The following XKR7 variants were observed in gnomAD, a reference collection of about 807,000 sequenced individuals.
The protein encoded by XKR7 is XK related 7.
XKR7 carries 11 observed loss-of-function variants against 42.2 expected under a neutral mutation model. The ratio of observed to expected loss-of-function variants is 0.26; its 90% CI spans 0.16 to 0.43. The LOEUF (loss-of-function observed/expected upper bound fraction) is 0.43. Ranked by LOEUF, XKR7 falls within the 20% of genes least tolerant of loss-of-function variation. The pLI, the probability that XKR7 is intolerant of heterozygous loss-of-function variation, is 1.00. For missense variants in XKR7, 710 were observed against 802.2 expected (o/e 0.89, Z 1.39); for synonymous variants, 346 against 366.4 (o/e 0.94, Z 0.64).
intron 1 of XKR7, among the ~76,000 whole-genome samples, chr20:31,975,042 T>G (rs151000398): frequency 1.8e-4 from 28 of 152,198 alleles, no homozygotes; most frequent in Admixed American, 5.9e-4. Context: ...CAGGAGAAGC[T>G]CTGGGGAGTG....
rs2064449933 is a variant in XKR7, at chr20:31,968,795, G to A, written c.584+36G>A. 6.9e-7 allele frequency: 1 copy of A among 1,457,720 alleles called. No homozygotes were observed. Among genetic ancestry groups the A allele is most frequent in the African/African-American group, 1.4e-5 (1 of 70,864 alleles). The allele number at this position is 1,457,720 out of a possible 1,614,324, so 90.3% of individuals were successfully genotyped here. ...CGCAGGTGGAGGGACCTGAGCCCGA[G>A]GAGTGGGGGTGGCGAAGGGCTACCT... On this transcript the variant is annotated intron_variant, in intron 1 of 2. Transcript: ENST00000562532. This position sits in a 1 kb window ranked among gnomAD's most constrained non-coding sequence, Gnocchi z 4.5.
rs572256162 is a variant in XKR7, at chr20:31,997,027, G to A, written c.1310G>A (p.Cys437Tyr). Reference sequence around the variant, plus strand: ...ATATTCTTCATGTGTGTCTACTACTGTCTCCTGCACCCCAATGGGCCCATG... The same window carrying A: ...ATATTCTTCATGTGTGTCTACTACTATCTCCTGCACCCCAATGGGCCCATG... Reference protein sequence around the residue: ...LGIFFMCVYYCLLHPNGPMLG... With the variant: ...LGIFFMCVYYYLLHPNGPMLG... Residue 437 changes from cysteine to tyrosine, a missense_variant, in exon 3 of 3, where the codon TGT becomes TAT. Transcript: ENST00000562532. The A allele has an allele frequency of 1.2e-5, 20 of 1,614,008 alleles. No individual in the cohort carries two copies. In the African/African-American group the frequency reaches 2.3e-4, roughly 18 times the overall value.
chr20:31,971,178 T>C (rs1171204331), intron 1 of XKR7, among the ~76,000 whole-genome samples: 6 of 142,772 alleles, frequency 4.2e-5, no homozygotes, highest in Non-Finnish European at 9.3e-5. Context: ...ACTATGTGGG[T>C]GAGGACGGGA....
At chr20:31,986,126 C>T (rs1376484457) in intron 1 of XKR7, among the ~76,000 whole-genome samples, 7 of 148,068 alleles carry the variant, frequency 4.7e-5, no homozygotes, top group Non-Finnish European at 9.0e-5. Context: ...ACAGATCCAG[C>T]ATCCAAGGCA....
Position 32,000,342 on chromosome 20 carries a change from CT to C in XKR7, c.*2886del, listed in dbSNP as rs1350818212. The stretch of plus-strand genomic sequence containing the variant: ...CTCTCCCCTAGCAGAACTGACCCCC[CT>C]GGTCCTCTGCCTCCTGTCCCCTGAC... On this transcript the variant is annotated 3_prime_UTR_variant, in exon 3 of 3. Coordinates refer to ENST00000562532, the MANE Select transcript of XKR7 (RefSeq NM_001011718.2). 6.6e-6 allele frequency: 1 copy of C among 152,594 alleles called. No homozygotes were observed. The highest frequency in any genetic ancestry group is 6.5e-5 in the Admixed American group (1 of 15,292). The allele number at this position is 152,594 out of a possible 1,614,324, so 9.5% of individuals were successfully genotyped here. A position where few individuals can be genotyped will look rare whatever the true frequency, so the allele number is the denominator to read the frequency against.
rs796719377 is a variant in XKR7 at position 31,979,328 on chromosome 20, C to T, written c.584+10569C>T. 2.6e-5 allele frequency among the ~76,000 whole-genome samples: 4 copies of T among 152,074 alleles called. No homozygotes were observed. The South Asian group carries it at 8.3e-4, about 32-fold the overall frequency. On this transcript the variant is annotated intron_variant, in intron 1 of 2. Coordinates refer to ENST00000562532, the MANE Select transcript of XKR7 (RefSeq NM_001011718.2). ...CTCTTGGGCTCAAGAGATCCTCCCA[C>T]CTTGGCCTCCCAAAGTGCTGGGATC...
intron 1 of XKR7, among the ~76,000 whole-genome samples, chr20:31,989,493 A>C (rs971264225): frequency 6.7e-6 from 1 of 149,334 alleles, no homozygotes; most frequent in African/African-American, 2.5e-5. Context: ...TGCCATGTGG[A>C]GAATGGACTG....
intron 1 of XKR7, among the ~76,000 whole-genome samples, chr20:31,985,942 C>T (rs1448649038): frequency 1.6e-5 from 2 of 122,020 alleles, no homozygotes; most frequent in Admixed American, 1.6e-4. Flanking sequence ...GACCACCAAG[C>T]GGACCCAGCA....
chr20:31,970,530 A>G (rs1285258792), intron 1 of XKR7: 3 of 152,242 alleles, frequency 2.0e-5, no homozygotes, highest in African/African-American at 4.8e-5. Context: ...TTGCAAAATG[A>G]GGAGGCTGGG....
intron 1 of XKR7, among the ~76,000 whole-genome samples, chr20:31,988,129 G>A (rs1267557647): frequency 6.6e-6 from 1 of 152,218 alleles, no homozygotes; most frequent in Admixed American, 6.5e-5. Context: ...CTGAGGTGCA[G>A]GCCAGAAACT....
rs35879609 is a variant in XKR7 at position 31,995,734 on chromosome 20, G to A, written c.787+464G>A. 0.031 allele frequency among the ~76,000 whole-genome samples: 4,737 copies of A among 151,638 alleles called. 113 individuals carry two copies. Among genetic ancestry groups the A allele is most frequent in the Non-Finnish European group, 0.048 (3,251 of 67,826 alleles). ...AGAGAGCCTACCCCTTCACTGGGGG[G>A]CCCCGGGGGGCCCTCCCAGGCCTAG... is the stretch of plus-strand genomic sequence containing the variant. On this transcript the variant is annotated intron_variant, in intron 2 of 2. Transcript: ENST00000562532. The surrounding 1 kb of genome is among the most constrained non-coding windows in gnomAD (Gnocchi z 4.1).
In XKR7 at chr20:31,993,111, C is replaced by CACACAT. The variant is rs1555861850; in HGVS notation, c.585-1945_585-1940dup. ...CTCCACACACACACACACACACACACACACATACACATACACACACACACC... is the reference window on the plus strand; with the variant it reads ...CTCCACACACACACACACACACACACACACATACACATACACATACACACACACACC... On this transcript the variant is annotated intron_variant, in intron 1 of 2. Transcript: ENST00000562532. 2.2e-3 allele frequency among the ~76,000 whole-genome samples: 331 copies of CACACAT among 150,664 alleles called. 4 individuals carry two copies. Among genetic ancestry groups the CACACAT allele is most frequent in the East Asian group, 4.5e-3 (23 of 5,132 alleles).
chr20:31,991,946 C>T (rs1215145920), intron 1 of XKR7, among the ~76,000 whole-genome samples: 1 of 151,956 alleles, frequency 6.6e-6, no homozygotes, highest in Non-Finnish European at 1.5e-5. Flanking sequence ...GGAGAAACCC[C>T]GTCTCTACTA....
intron 1 of XKR7, among the ~76,000 whole-genome samples, chr20:31,984,279 G>C (rs1049631442): frequency 6.7e-6 from 1 of 150,080 alleles, no homozygotes. Flanking sequence ...AAAACAAGTA[G>C]TGGGGAGTGG....
chr20:31,976,475 C>T (rs564390818), intron 1 of XKR7, among the ~76,000 whole-genome samples: 1 of 151,984 alleles, frequency 6.6e-6, no homozygotes, highest in Non-Finnish European at 1.5e-5. Context: ...ACCTCTGCCT[C>T]CCCGGTTCAA....
At chr20:31,975,534 C>T (rs1377151111) in intron 1 of XKR7, among the ~76,000 whole-genome samples, 1 of 152,190 alleles carries the variant, frequency 6.6e-6, no homozygotes, top group African/African-American at 2.4e-5. Flanking sequence ...CCCACACATG[C>T]TACCCTCTGC....
At chr20:31,994,302 T>C (rs1298923041) in intron 1 of XKR7, among the ~76,000 whole-genome samples, 1 of 152,214 alleles carries the variant, frequency 6.6e-6, no homozygotes, top group Non-Finnish European at 1.5e-5. Flanking sequence ...GTCTAATGGT[T>C]AGAGTGCCGG....
At chr20:31,986,576 A>C (rs2064541629) in intron 1 of XKR7, among the ~76,000 whole-genome samples, 1 of 119,724 alleles carries the variant, frequency 8.4e-6, no homozygotes, top group African/African-American at 3.6e-5. Context: ...CACCAAGCAG[A>C]CCCAGCATCT....
chr20:31,992,589 C>T (rs936166129), intron 1 of XKR7, among the ~76,000 whole-genome samples: 1 of 152,150 alleles, frequency 6.6e-6, no homozygotes, highest in Non-Finnish European at 1.5e-5. Flanking sequence ...ACAGAGGGGG[C>T]TTTGCATTTC....
Sources: gnomAD v4.1 joint callset for allele counts (sites outside exome capture counted in the v4.1 genomes callset) on GRCh38, gnomAD v4.1.1 for gene constraint, Gnocchi (gnomAD v3.1) non-coding constraint, MANE v1.5 for transcripts, NCBI Gene and HGNC (gene_info 2026-07-23, HGNC 2026-07-21) for gene names.